The following PTPRD variants were observed in gnomAD, a reference collection of about 807,000 sequenced individuals.
PTPRD encodes the protein receptor-type tyrosine-protein phosphatase delta.
PTPRD carries 34 observed loss-of-function variants against 214.5 expected under a neutral mutation model. The ratio of observed to expected loss-of-function variants is 0.16; its 90% CI spans 0.12 to 0.21. The LOEUF is 0.21. Ranked by LOEUF, PTPRD falls within the 10% of genes least tolerant of loss-of-function variation. PTPRD has a pLI of 1.00. For synonymous variants in PTPRD, 1,128 were observed against 845.7 expected, an observed-to-expected ratio of 1.33 and a Z score of -5.79; for missense variants, 2,545 against 2,398.7, an observed-to-expected ratio of 1.06 and a Z score of -1.27.
chr9:9,239,978 G>A (rs1251458887), intron 9 of PTPRD, among the ~76,000 whole-genome samples: 1 of 152,136 alleles, frequency 6.6e-6, no homozygotes, highest in East Asian at 1.9e-4. Context: ...AGAGGCCTTG[G>A]TTAAGACAAG....
chr9:9,688,726 T>C (rs144878263), intron 7 of PTPRD, among the ~76,000 whole-genome samples: 10 of 152,020 alleles, frequency 6.6e-5, no homozygotes, highest in African/African-American at 2.2e-4. Context: ...GGAGTGGTGA[T>C]ATTTCTCTAA....
At chr9:10,556,763 A>G (rs1269755157) in intron 2 of PTPRD, among the ~76,000 whole-genome samples, 2 of 152,148 alleles carry the variant, frequency 1.3e-5, no homozygotes, top group African/African-American at 4.8e-5. Context: ...TCTAAATATG[A>G]GATTAATTAT....
At chr9:9,939,052 A>C (rs566337770) in intron 4 of PTPRD, among the ~76,000 whole-genome samples, 25 of 151,998 alleles carry the variant, frequency 1.6e-4, no homozygotes, top group Non-Finnish European at 1.0e-4. Context: ...TCTCAGTAGG[A>C]AACAGAATGT....
chr9:8,640,694 A>G (rs1374765322), intron 12 of PTPRD, among the ~76,000 whole-genome samples: 1 of 149,782 alleles, frequency 6.7e-6, no homozygotes, highest in South Asian at 2.1e-4. Context: ...AAAAAAAAAA[A>G]AAATACATAT....
rs1388435655 is a variant in PTPRD at position 9,272,164 on chromosome 9, T to C, written c.-202-88801A>G. 5.3e-5 allele frequency among the ~76,000 whole-genome samples: 8 copies of C among 151,346 alleles called. No individual in the cohort carries two copies. In the East Asian group the frequency reaches 1.6e-3, roughly 30 times the overall value. On this transcript the variant is annotated intron_variant, in intron 9 of 45. Coordinates refer to ENST00000381196, the MANE Select transcript of PTPRD (RefSeq NM_002839.4). Reference sequence around the variant, plus strand: ...TCTGCAGTGTATCCTTCCCAAAATATACTTGAAACTGCATACCCCAGAGGG... The same window carrying C: ...TCTGCAGTGTATCCTTCCCAAAATACACTTGAAACTGCATACCCCAGAGGG...
At chr9:10,343,203 C>T (rs1487756365) in intron 2 of PTPRD, among the ~76,000 whole-genome samples, 1 of 152,020 alleles carries the variant, frequency 6.6e-6, no homozygotes, top group Non-Finnish European at 1.5e-5. Flanking sequence ...ATTCACTTCC[C>T]ACCTATGAGT....
intron 30 of PTPRD, among the ~76,000 whole-genome samples, chr9:8,473,618 G>C (rs2096704044): frequency 6.6e-6 from 1 of 152,088 alleles, no homozygotes; most frequent in Admixed American, 6.6e-5. Context: ...TGTAAATCAA[G>C]GTTAAGCTGA....
rs536819234 is a variant in PTPRD at position 8,628,297 on chromosome 9, T to G, written c.352+5020A>C. ...GGGTACTGCACAATGGCAGAGATAGTTGACTGCCTTCTCCCTGAAAGATTG... is the reference window on the plus strand; with the variant it reads ...GGGTACTGCACAATGGCAGAGATAGGTGACTGCCTTCTCCCTGAAAGATTG... On this transcript the variant is annotated intron_variant, in intron 14 of 45. Coordinates refer to ENST00000381196, the MANE Select transcript of PTPRD (RefSeq NM_002839.4). Among the ~76,000 whole-genome samples, 250 of 152,012 alleles carry G rather than the reference T, an allele frequency of 1.6e-3. No individual in the cohort carries two copies. The Middle Eastern group carries it at 0.024, about 14-fold the overall frequency.
chr9:9,946,492 G>A (rs1010104930), intron 4 of PTPRD, among the ~76,000 whole-genome samples: 1 of 152,034 alleles, frequency 6.6e-6, no homozygotes, highest in Non-Finnish European at 1.5e-5. Context: ...AGAGTGCAGG[G>A]TTCAATAGCT....
At chr9:9,909,023 T>C (rs2078424241) in intron 5 of PTPRD, among the ~76,000 whole-genome samples, 1 of 151,752 alleles carries the variant, frequency 6.6e-6, no homozygotes, top group Admixed American at 6.6e-5. Flanking sequence ...TCTATCAATA[T>C]CACTGAGGTA....
At chr9:9,867,487 C>G (rs540832740) in intron 5 of PTPRD, among the ~76,000 whole-genome samples, 1 of 152,172 alleles carries the variant, frequency 6.6e-6, no homozygotes, top group South Asian at 2.1e-4. Context: ...TTTTCCTCAA[C>G]ATATTGCTTC....
At chr9:9,779,960 T>A (rs2098830029) in intron 5 of PTPRD, among the ~76,000 whole-genome samples, 1 of 152,180 alleles carries the variant, frequency 6.6e-6, no homozygotes, top group Non-Finnish European at 1.5e-5. Context: ...TACGCTCATA[T>A]GTTCATCATT....
chr9:8,844,798 C>T (rs953617135), intron 11 of PTPRD, among the ~76,000 whole-genome samples: 14 of 152,152 alleles, frequency 9.2e-5, no homozygotes, highest in Admixed American at 7.9e-4. Context: ...TGAAGTGTGG[C>T]TAGGCAGCTA....
chr9:8,658,449 G>A (rs2096958593), intron 12 of PTPRD, among the ~76,000 whole-genome samples: 1 of 152,090 alleles, frequency 6.6e-6, no homozygotes, highest in Non-Finnish European at 1.5e-5. Flanking sequence ...AGGACATATT[G>A]AGAGCTTCAA....
intron 14 of PTPRD, among the ~76,000 whole-genome samples, chr9:8,531,950 C>A (rs10758979): frequency 6.6e-6 from 1 of 152,066 alleles, no homozygotes; most frequent in East Asian, 1.9e-4. Context: ...TGACCTTTCT[C>A]TTCCTTCCTG....
At chr9:9,641,218 C>T (rs1377291691) in intron 7 of PTPRD, among the ~76,000 whole-genome samples, 1 of 152,162 alleles carries the variant, frequency 6.6e-6, no homozygotes, top group African/African-American at 2.4e-5. Context: ...AATCATGATA[C>T]TCTTGAGTGT....
At chr9:8,991,458 T>A (rs1415586385) in intron 11 of PTPRD, among the ~76,000 whole-genome samples, 1 of 152,112 alleles carries the variant, frequency 6.6e-6, no homozygotes, top group Admixed American at 6.6e-5. Flanking sequence ...CCTTATTTAA[T>A]TTCCGTTAAC....
chr9:9,654,328 G>A (rs2154375134), intron 7 of PTPRD, among the ~76,000 whole-genome samples: 1 of 152,130 alleles, frequency 6.6e-6, no homozygotes, highest in South Asian at 2.1e-4. Context: ...AAAGTTTAAT[G>A]CTTAAGATAA....
chr9:8,373,832 GTATGTATGTA>G (rs1313799334), intron 39 of PTPRD, among the ~76,000 whole-genome samples: 1 of 90,716 alleles, frequency 1.1e-5, no homozygotes, highest in Non-Finnish European at 1.9e-5. Flanking sequence ...ATGTATGTAT[GTATGTATGTA>G]TGTATGTGTA....
Sources: gnomAD v4.1 joint callset for allele counts (sites outside exome capture counted in the v4.1 genomes callset) on GRCh38, gnomAD v4.1.1 for gene constraint, MANE v1.5 for transcripts, NCBI Gene and HGNC (gene_info 2026-07-23, HGNC 2026-07-21) for gene names.